The following SRD5A2 variants were observed in gnomAD, a reference collection of about 807,000 sequenced individuals.
SRD5A2 encodes steroid 5 alpha-reductase 2.
SRD5A2 carries 30 observed loss-of-function variants against 27.4 expected under a neutral mutation model. That is an observed-to-expected ratio of 1.10 (90% confidence interval 0.82 to 1.49). The LOEUF (loss-of-function observed/expected upper bound fraction) is 1.49. SRD5A2 is among the 40% of genes most tolerant of loss of function. The probability of loss-of-function intolerance (pLI) is 0.00; values close to 1 mark genes in which losing one functional copy is unlikely to be tolerated. For synonymous variants in SRD5A2, 141 were observed against 133.6 expected, an observed-to-expected ratio of 1.06 and a Z score of -0.38; for missense variants, 348 against 323.4, an observed-to-expected ratio of 1.08 and a Z score of -0.58.
At position 31,573,381 on chromosome 2, in the gene SRD5A2, T is replaced by C. The variant is rs115005679; in HGVS notation, c.281+7239A>G. 1.5e-3 allele frequency among the ~76,000 whole-genome samples: 230 copies of C among 152,358 alleles called. 1 individual carries two copies. Among genetic ancestry groups the C allele is most frequent in the African/African-American group, 5.4e-3 (225 of 41,586 alleles). On this transcript the variant is annotated intron_variant, in intron 1 of 4. Transcript: ENST00000622030. The stretch of plus-strand genomic sequence containing the variant: ...GTTTTTAAAATTTAGAGCTCCTATG[T>C]TGAGCTGAGTCTCGTTAAAGGCTCC...
the SRD5A2 span, among the ~76,000 whole-genome samples, chr2:31,618,748 T>C: frequency 1.3e-5 from 2 of 152,096 alleles, no homozygotes; most frequent in Non-Finnish European, 2.9e-5. Context: ...GAAAAATAAG[T>C]TTCAGTAATA....
At chr2:31,636,460 G>A in the SRD5A2 span, among the ~76,000 whole-genome samples, 1 of 152,016 alleles carries the variant, frequency 6.6e-6, no homozygotes, top group African/African-American at 2.4e-5. Context: ...AATAAAAGAT[G>A]CCCTTTATTT....
At position 31,575,639 on chromosome 2, in the gene SRD5A2, G is replaced by T. The variant is rs184646981; in HGVS notation, c.281+4981C>A. Among the ~76,000 whole-genome samples the T allele has an allele frequency of 3.0e-3, 461 of 152,110 alleles. 6 individuals are homozygous for T. The highest frequency in any genetic ancestry group is 0.017 in the South Asian group (84 of 4,814). On this transcript the variant is annotated intron_variant, in intron 1 of 4. Transcript: ENST00000622030. ...CTTATTGAAGCCATCATTTTATTTG[G>T]CTAATCAAAAAAATGTTTCAGCATC...
rs1255495058 is a variant in SRD5A2, at chr2:31,523,340, T to C, written c.*2856A>G. ...ACAGCACTTAAGCTCTGGCTATTTT[T>C]CTCCTGCATGAGCTCTGTAGAAATC... On this transcript the variant is annotated 3_prime_UTR_variant, in exon 5 of 5. Coordinates refer to ENST00000622030, the MANE Select transcript of SRD5A2 (RefSeq NM_000348.4). The C allele has an allele frequency of 1.4e-5, 3 of 213,840 alleles. No homozygotes were observed. Among genetic ancestry groups the C allele is most frequent in the East Asian group, 6.9e-5 (1 of 14,420 alleles). 13.2% of individuals were successfully genotyped at this position (213,840 alleles called of 1,614,324 possible).
chr2:31,533,487 G>T, intron 2 of SRD5A2, 116 bp downstream of exon 2: 3 of 912,320 alleles, frequency 3.3e-6, no homozygotes, highest in Non-Finnish European at 5.1e-6. Flanking sequence ...TAGAGGTGAG[G>T]GAGGGGAAGA....
At chr2:31,659,587 C>T in the SRD5A2 span, among the ~76,000 whole-genome samples, 8 of 151,968 alleles carry the variant, frequency 5.3e-5, no homozygotes, top group Non-Finnish European at 1.2e-4. Context: ...TCACAATTAC[C>T]ACAAATGGAA....
At chr2:31,585,695 C>T (rs1320633970), upstream of SRD5A2, among the ~76,000 whole-genome samples, 4 of 152,198 alleles carry the variant, frequency 2.6e-5, no homozygotes, top group Admixed American at 6.5e-5. Flanking sequence ...GCCTCTGAGA[C>T]TAGCTGGTTT....
chr2:31,623,322 C>CA, the SRD5A2 span, among the ~76,000 whole-genome samples: 2 of 151,628 alleles, frequency 1.3e-5, no homozygotes, highest in Non-Finnish European at 1.5e-5. Context: ...AAGTCATTTG[C>CA]AAAAAAACAT....
chr2:31,576,019 G>A lies in SRD5A2; in HGVS notation c.281+4601C>T, dbSNP rs191272719. Among the ~76,000 whole-genome samples the A allele has an allele frequency of 6.6e-5, 10 of 152,086 alleles. No individual in the cohort carries two copies. In the South Asian group the frequency reaches 1.0e-3, roughly 16 times the overall value. ...AGATGGATGGATTAAAGATTTAAACGTTAGACCTAAAACCATAAAAACCCT... is the reference window on the plus strand; with the variant it reads ...AGATGGATGGATTAAAGATTTAAACATTAGACCTAAAACCATAAAAACCCT... On this transcript the variant is annotated intron_variant, in intron 1 of 4. Transcript: ENST00000622030.
At chr2:31,626,626 C>A in the SRD5A2 span, among the ~76,000 whole-genome samples, 12 of 151,944 alleles carry the variant, frequency 7.9e-5, no homozygotes, top group South Asian at 2.5e-3. Flanking sequence ...TGTGGTTTTT[C>A]CCTTTGGTTC....
chr2:31,549,066 G>A (rs1444228775), intron 1 of SRD5A2, among the ~76,000 whole-genome samples: 2 of 145,520 alleles, frequency 1.4e-5, no homozygotes, highest in Non-Finnish European at 3.0e-5. Context: ...GCTTCCAGGG[G>A]CTGGAAGTAG....
At chr2:31,580,402 G>C (rs1667047072) in intron 1 of SRD5A2, among the ~76,000 whole-genome samples, 1 of 152,218 alleles carries the variant, frequency 6.6e-6, no homozygotes, top group Non-Finnish European at 1.5e-5. Flanking sequence ...CTGGGGGAGT[G>C]AAGGCGGCGT....
chr2:31,653,490 G>C, the SRD5A2 span, among the ~76,000 whole-genome samples: 1 of 152,092 alleles, frequency 6.6e-6, no homozygotes, highest in African/African-American at 2.4e-5. Context: ...CTTTACATAA[G>C]ATTGTTTCTT....
intron 1 of SRD5A2, among the ~76,000 whole-genome samples, chr2:31,565,941 A>G (rs28745283): frequency 0.035 from 5,380 of 152,138 alleles, 303 homozygotes; most frequent in African/African-American, 0.12. Flanking sequence ...TACGATTGAT[A>G]GACCCAATTC....
At chr2:31,651,468 G>T in the SRD5A2 span, 2 of 230,072 alleles carry the variant, frequency 8.7e-6, no homozygotes, top group Non-Finnish European at 2.0e-5. Flanking sequence ...CAGACTTATG[G>T]TAATGTACAT....
chr2:31,550,988 C>G (rs190792009), intron 1 of SRD5A2, among the ~76,000 whole-genome samples: 1 of 151,884 alleles, frequency 6.6e-6, no homozygotes, highest in Non-Finnish European at 1.5e-5. Context: ...CAGAAAAAAA[C>G]CCCTCACTTC....
chr2:31,643,752 T>A, the SRD5A2 span, among the ~76,000 whole-genome samples: 1 of 152,100 alleles, frequency 6.6e-6, no homozygotes, highest in South Asian at 2.1e-4. Context: ...CTGGGGAAAT[T>A]TGAGCCTCAA....
At chr2:31,653,352 G>T in the SRD5A2 span, among the ~76,000 whole-genome samples, 542 of 152,170 alleles carry the variant, frequency 3.6e-3, 15 homozygotes, top group East Asian at 0.078. Flanking sequence ...AATGTACAAG[G>T]ACTGCTCATT....
the SRD5A2 span, among the ~76,000 whole-genome samples, chr2:31,587,396 A>C: frequency 6.6e-6 from 1 of 152,222 alleles, no homozygotes; most frequent in Admixed American, 6.5e-5. Context: ...CAGCAATCCC[A>C]TTACTGGGTA....
Sources: gnomAD v4.1 joint callset for allele counts (sites outside exome capture counted in the v4.1 genomes callset) on GRCh38, gnomAD v4.1.1 for gene constraint, MANE v1.5 for transcripts, NCBI Gene and HGNC (gene_info 2026-07-23, HGNC 2026-07-21) for gene names.